Variants in CEP350 observed in about 807,000 individuals in gnomAD.
CEP350 encodes centrosome-associated protein 350.
A neutral mutation model predicts 331.8 loss-of-function variants in CEP350; 126 were observed. The ratio of observed to expected loss-of-function variants is 0.38; its 90% CI spans 0.33 to 0.44. The LOEUF is 0.44. Among genes scored for constraint, CEP350 ranks in the 20% least tolerant of loss-of-function variants. The pLI, the probability that CEP350 is intolerant of heterozygous loss-of-function variation, is 1.00. For missense variants in CEP350, 3,406 were observed against 3,634.6 expected (o/e 0.94, Z 1.62); for synonymous variants, 1,200 against 1,259.5 (o/e 0.95, Z 1.00).
Position 179,996,923 on chromosome 1 carries a change from G to C in CEP350, c.766G>C (p.Asp256His), listed in dbSNP as rs1438898104. 1 of 1,614,008 alleles carries C rather than the reference G, an allele frequency of 6.2e-7. No individual in the cohort carries two copies. The highest frequency in any genetic ancestry group is 2.2e-5 in the East Asian group (1 of 44,894). Residue 256 changes from aspartate (D) to histidine (H), a missense_variant, in exon 6 of 38, where the codon GAC (aspartate) becomes CAC (histidine). This residue lies in a region of CEP350 where 1,857 missense variants were observed against 1,909.2 expected (regional missense o/e 0.97). Coordinates refer to ENST00000367607, the MANE Select transcript of CEP350 (RefSeq NM_014810.5). Reference protein sequence around the residue: ...DTDPKALRLTDSSPSSTSTSN... With the variant: ...DTDPKALRLTHSSPSSTSTSN... ...TGATCCAAAAGCGTTACGACTAACT[G>C]ACTCTTCTCCATCCTCTACTAGTAC...
In CEP350 at chr1:180,113,931, A is replaced by G. The variant is rs1432190937; in HGVS notation, c.*2770A>G. ...GAGTCCAAAACAATTTGTGCTATCC[A>G]GGGTAGTTAACTCTGGGTTAAACAA... On this transcript the variant is annotated 3_prime_UTR_variant, in exon 38 of 38. Coordinates refer to ENST00000367607, the MANE Select transcript of CEP350 (RefSeq NM_014810.5). 2.0e-5 allele frequency: 3 copies of G among 152,656 alleles called. No homozygotes were observed. In the East Asian group the frequency reaches 5.8e-4, roughly 29 times the overall value. 9.5% of individuals were successfully genotyped at this position (152,656 alleles called of 1,614,324 possible). A position where few individuals can be genotyped will look rare whatever the true frequency, so the allele number is the denominator to read the frequency against.
intron 1 of CEP350, among the ~76,000 whole-genome samples, chr1:179,959,482 C>T (rs1049753061): frequency 1.3e-5 from 2 of 151,344 alleles, no homozygotes; most frequent in Non-Finnish European, 2.9e-5. Context: ...TGGCTGGGTG[C>T]GGTGTCTCAT....
chr1:180,025,159 C>T (rs961828085), intron 14 of CEP350, among the ~76,000 whole-genome samples: 1 of 151,984 alleles, frequency 6.6e-6, no homozygotes, highest in Non-Finnish European at 1.5e-5. Flanking sequence ...CTCCTGACCT[C>T]GTGATCCACC....
intron 20 of CEP350, among the ~76,000 whole-genome samples, chr1:180,043,410 CAT>C (rs1439706622): frequency 2.0e-5 from 3 of 152,100 alleles, no homozygotes; most frequent in Non-Finnish European, 4.4e-5. Context: ...GAAGGGAACA[CAT>C]GTCTCAGAGA....
At chr1:180,072,659 T>C (rs78811502) in intron 27 of CEP350, among the ~76,000 whole-genome samples, 2,796 of 152,292 alleles carry the variant, frequency 0.018, 49 homozygotes, top group Non-Finnish European at 0.032. Flanking sequence ...CGTGTGTGTA[T>C]GTGTGTGTAA....
At chr1:180,028,330 T>C (rs1196776275) in intron 14 of CEP350, among the ~76,000 whole-genome samples, 1 of 152,214 alleles carries the variant, frequency 6.6e-6, no homozygotes. Context: ...TGAACACAGT[T>C]TGGGAAATGC....
At chr1:179,970,913 T>C (rs963940283) in intron 1 of CEP350, among the ~76,000 whole-genome samples, 1 of 152,250 alleles carries the variant, frequency 6.6e-6, no homozygotes, top group African/African-American at 2.4e-5. Context: ...ATTTTGTTCA[T>C]GTGGGATTTA....
intron 10 of CEP350, among the ~76,000 whole-genome samples, chr1:180,014,755 C>T (rs1351882223): frequency 1.3e-5 from 2 of 152,258 alleles, no homozygotes; most frequent in Non-Finnish European, 2.9e-5. Flanking sequence ...TTAGTTACAT[C>T]CCTGCATAGT....
chr1:180,007,505 C>T lies in CEP350; in HGVS notation c.1246+938C>T, dbSNP rs183952659. On this transcript the variant is annotated intron_variant, in intron 8 of 37. Transcript: ENST00000367607. ...GTTCCTTGTAGATTCTGGATGTTAG[C>T]CCTTTGTCAGATGGATAGATTGCAA... Among the ~76,000 whole-genome samples, 406 of 152,176 alleles carry T rather than the reference C, an allele frequency of 2.7e-3. 1 individual carries two copies. The highest frequency in any genetic ancestry group is 0.017 in the Middle Eastern group (5 of 294).
At chr1:180,058,626 CAT>C (rs760961706) in intron 25 of CEP350, among the ~76,000 whole-genome samples, 13 of 152,272 alleles carry the variant, frequency 8.5e-5, no homozygotes, top group African/African-American at 3.1e-4. Context: ...TAGATAATAA[CAT>C]ATTTGAAACA....
chr1:180,037,164 T>C (rs984933899), intron 17 of CEP350, 75 bp downstream of exon 17: 3 of 1,301,404 alleles, frequency 2.3e-6, no homozygotes, highest in Non-Finnish European at 3.1e-6. Context: ...AATGATGACT[T>C]AAACTACTGT....
Position 180,092,981 on chromosome 1 carries a change from A to C in CEP350, c.6876A>C (p.Gly2292=). Reference sequence around the variant, plus strand: ...TACTGAAATTAGTCCTAGAACAGGGAGATTCATCTGAAATTCTTTCAAAGA... The same window carrying C: ...TACTGAAATTAGTCCTAGAACAGGGCGATTCATCTGAAATTCTTTCAAAGA... ...DVLLKLVLEQ[G]DSSEILSKKD... is the part of the protein sequence containing the mutation. The change falls in exon 34 of 38, where the codon GGA becomes GGC. Residue 2292 remains glycine (G), a synonymous_variant. Coordinates refer to ENST00000367607, the MANE Select transcript of CEP350 (RefSeq NM_014810.5). 6.2e-7 allele frequency: 1 copy of C among 1,601,374 alleles called. No individual in the cohort carries two copies. Among genetic ancestry groups the C allele is most frequent in the East Asian group, 2.2e-5 (1 of 44,770 alleles).
intron 1 of CEP350, chr1:179,969,096 G>A (rs1230415710): frequency 5.8e-6 from 4 of 688,872 alleles, no homozygotes; most frequent in Non-Finnish European, 8.1e-6. Flanking sequence ...TCTCCTTTGC[G>A]CTGTGTGGAC....
At chr1:180,068,008 A>G (rs1009158446) in intron 27 of CEP350, among the ~76,000 whole-genome samples, 2 of 152,216 alleles carry the variant, frequency 1.3e-5, no homozygotes, top group Non-Finnish European at 2.9e-5. Flanking sequence ...CATGACTAGG[A>G]ACTTAGTTGT....
At chr1:180,007,618 A>G (rs948325074) in intron 8 of CEP350, among the ~76,000 whole-genome samples, 3 of 152,010 alleles carry the variant, frequency 2.0e-5, no homozygotes, top group Non-Finnish European at 4.4e-5. Context: ...ATTAGATCCT[A>G]TTTGTCAAAT....
Position 180,017,733 on chromosome 1 carries a change from A to C in CEP350, c.2174+1763A>C, listed in dbSNP as rs77198912. On this transcript the variant is annotated intron_variant, in intron 11 of 37. Coordinates refer to ENST00000367607, the MANE Select transcript of CEP350 (RefSeq NM_014810.5). ...ATAACTTTATGTTTAAAAGCATGTT[A>C]CTTTTTGCTTAAAATTTGGCATTTC... Among the ~76,000 whole-genome samples the C allele has an allele frequency of 4.3e-3, 649 of 152,232 alleles. 5 individuals are homozygous for C. The highest frequency in any genetic ancestry group is 0.015 in the African/African-American group (617 of 41,546).
At chr1:180,056,739 G>A (rs868243127) in intron 25 of CEP350, among the ~76,000 whole-genome samples, 31 of 152,152 alleles carry the variant, frequency 2.0e-4, no homozygotes, top group South Asian at 1.9e-3. Context: ...TAGGATTACA[G>A]GTGTGAGCCA....
At chr1:180,009,478 A>G (rs1024407420) in intron 8 of CEP350, among the ~76,000 whole-genome samples, 3 of 152,238 alleles carry the variant, frequency 2.0e-5, no homozygotes, top group African/African-American at 4.8e-5. Flanking sequence ...GTACTGTGGC[A>G]GTGAGCTAGA....
chr1:179,977,647 T>G (rs1004637171), intron 1 of CEP350, among the ~76,000 whole-genome samples: 1 of 152,122 alleles, frequency 6.6e-6, no homozygotes, highest in African/African-American at 2.4e-5. Flanking sequence ...AATAAAGCAG[T>G]CCAAAAGGCT....
Sources: allele counts gnomAD v4.1 joint callset (sites outside exome capture counted in the v4.1 genomes callset), GRCh38; gene constraint gnomAD v4.1.1; regional missense constraint gnomAD v4.1.1; transcripts MANE v1.5; gene names NCBI Gene and HGNC (gene_info 2026-07-23, HGNC 2026-07-21).